SGCG: variants seen among roughly 807,000 people sequenced by gnomAD.
SGCG encodes gamma-sarcoglycan.
A neutral mutation model predicts 29.3 loss-of-function variants in SGCG; 26 were observed. That is an observed-to-expected ratio of 0.89 (90% CI 0.65 to 1.23). The LOEUF (loss-of-function observed/expected upper bound fraction) is 1.23, where lower values mean the gene tolerates loss of function less well. SGCG is among the 50% of genes most tolerant of loss of function. SGCG has a pLI of 0.00. For missense variants in SGCG, 353 were observed against 356.0 expected (o/e 0.99, Z 0.07); for synonymous variants, 145 against 129.7 (o/e 1.12, Z -0.80).
chr13:23,323,942 G>A (rs1883138974), intron 7 of SGCG, among the ~76,000 whole-genome samples: 1 of 152,188 alleles, frequency 6.6e-6, no homozygotes, highest in African/African-American at 2.4e-5. Flanking sequence ...AAGTCAAAGT[G>A]AGTCACAAGA....
chr13:23,305,302 G>T (rs1882321975), intron 6 of SGCG, among the ~76,000 whole-genome samples: 1 of 151,988 alleles, frequency 6.6e-6, no homozygotes, highest in South Asian at 2.1e-4. Context: ...ATTAAAAGGA[G>T]GTTTATTACA....
intron 1 of SGCG, among the ~76,000 whole-genome samples, chr13:23,199,074 C>T (rs1219196650): frequency 6.7e-6 from 1 of 149,332 alleles, no homozygotes; most frequent in Non-Finnish European, 1.5e-5. Flanking sequence ...TGCCACTGCA[C>T]TTCAGCCTGG....
At chr13:23,275,201 G>C (rs571802407) in intron 4 of SGCG, among the ~76,000 whole-genome samples, 4 of 149,872 alleles carry the variant, frequency 2.7e-5, no homozygotes, top group African/African-American at 9.7e-5. Context: ...AGGGTTTCCA[G>C]ATGGCAGAAG....
At chr13:23,277,794 GTTCATGCCA>G (rs1881144100) in intron 4 of SGCG, among the ~76,000 whole-genome samples, 1 of 151,008 alleles carries the variant, frequency 6.6e-6, no homozygotes, top group Non-Finnish European at 1.5e-5. Context: ...CGCCTCCCAG[GTTCATGCCA>G]TTCTCCCGCC....
At chr13:23,220,269 A>C (rs1878606050) in intron 2 of SGCG, among the ~76,000 whole-genome samples, 1 of 152,088 alleles carries the variant, frequency 6.6e-6, no homozygotes, top group South Asian at 2.1e-4. Flanking sequence ...CCTGATCAAC[A>C]TGGAGAAACC....
At position 23,189,872 on chromosome 13, in the gene SGCG, A is replaced by C. The variant is rs541264569; in HGVS notation, c.-1+8797A>C. 7.8e-4 allele frequency among the ~76,000 whole-genome samples: 118 copies of C among 152,000 alleles called. 2 individuals carry two copies. The highest frequency in any genetic ancestry group is 2.7e-3 in the African/African-American group (113 of 41,442). On this transcript the variant is annotated intron_variant, in intron 1 of 7. Coordinates refer to ENST00000218867, the MANE Select transcript of SGCG (RefSeq NM_000231.3). ...CTGAACTCCCCTACCCTACTCCTTC[A>C]CCCCCCTGCCCGCTCCTTCAGGCTC...
At chr13:23,225,888 T>C (rs1878876818) in intron 2 of SGCG, among the ~76,000 whole-genome samples, 1 of 152,184 alleles carries the variant, frequency 6.6e-6, no homozygotes, top group African/African-American at 2.4e-5. Context: ...TTTCAATTTC[T>C]GTTCAATATC....
Position 23,322,753 on chromosome 13 carries a change from GC to G in SGCG, c.703-1609del, listed in dbSNP as rs71100171. ...TCGCACCTGCGGCGATGCACAGACC[GC>G]CCCCCACCCATCCACCTCCCCCCCC... On this transcript the variant is annotated intron_variant, in intron 7 of 7. Transcript: ENST00000218867. 7.0e-3 allele frequency among the ~76,000 whole-genome samples: 70 copies of G among 9,954 alleles called. 1 individual carries two copies. The highest frequency in any genetic ancestry group is 0.026 in the East Asian group (3 of 116). The allele number at this position is 9,954 out of a possible 152,430, so 6.5% of individuals were successfully genotyped here. A position where few individuals can be genotyped will look rare whatever the true frequency, so the allele number is the denominator to read the frequency against.
chr13:23,322,758 CCACCCATCCACCT>C (rs1566048980), intron 7 of SGCG, among the ~76,000 whole-genome samples: 3 of 60,394 alleles, frequency 5.0e-5, no homozygotes, highest in Admixed American at 1.4e-4. Context: ...AGACCGCCCC[CCACCCATCCACCT>C]CCCCCCCCCC....
intron 4 of SGCG, chr13:23,267,921 C>T (rs769878492): frequency 2.0e-5 from 3 of 152,096 alleles, no homozygotes; most frequent in East Asian, 1.9e-4. Flanking sequence ...AAGCTTCAAA[C>T]GCAAGGCTGG....
intron 7 of SGCG, among the ~76,000 whole-genome samples, chr13:23,323,508 GTTTA>G (rs1883123150): frequency 6.6e-6 from 1 of 152,228 alleles, no homozygotes; most frequent in Admixed American, 6.5e-5. Flanking sequence ...CCCACATTCA[GTTTA>G]ATTCCTTGTA....
chr13:23,220,525 T>C (rs754516065), intron 2 of SGCG, among the ~76,000 whole-genome samples: 1 of 152,220 alleles, frequency 6.6e-6, no homozygotes, highest in Non-Finnish European at 1.5e-5. Flanking sequence ...AATTAGAAGA[T>C]ATCATTCAGT....
chr13:23,313,789 T>C, intron 6 of SGCG, among the ~76,000 whole-genome samples: 1 of 152,202 alleles, frequency 6.6e-6, no homozygotes, highest in East Asian at 1.9e-4. Flanking sequence ...TTGATCCTGG[T>C]TGTGTCTGTG....
At chr13:23,212,999 G>A (rs1011329884) in intron 2 of SGCG, among the ~76,000 whole-genome samples, 8 of 152,130 alleles carry the variant, frequency 5.3e-5, no homozygotes, top group African/African-American at 1.7e-4. Context: ...TTCTTAACTG[G>A]TGAAAGGGAA....
intron 5 of SGCG, among the ~76,000 whole-genome samples, chr13:23,280,020 A>G (rs549265626): frequency 2.6e-5 from 4 of 151,810 alleles, no homozygotes; most frequent in African/African-American, 7.2e-5. Context: ...GAGCCACAAC[A>G]CCCTGCCACC....
chr13:23,218,280 G>GA (rs1382409667), intron 2 of SGCG, among the ~76,000 whole-genome samples: 1 of 152,072 alleles, frequency 6.6e-6, no homozygotes, highest in Non-Finnish European at 1.5e-5. Flanking sequence ...TGGGCTAGAA[G>GA]AAAAATCACA....
intron 6 of SGCG, among the ~76,000 whole-genome samples, chr13:23,302,235 C>G (rs914356553): frequency 7.9e-5 from 12 of 151,402 alleles, no homozygotes; most frequent in Non-Finnish European, 1.5e-4. Flanking sequence ...ATTGATCACT[C>G]TATCCTATTT....
At chr13:23,173,478 T>C in the SGCG span, among the ~76,000 whole-genome samples, 3 of 152,234 alleles carry the variant, frequency 2.0e-5, no homozygotes, top group East Asian at 5.8e-4. Context: ...AGATTTTCAA[T>C]GGCCAACATA....
At chr13:23,219,942 T>G (rs1878593014) in intron 2 of SGCG, among the ~76,000 whole-genome samples, 1 of 151,086 alleles carries the variant, frequency 6.6e-6, no homozygotes, top group Admixed American at 6.6e-5. Context: ...TTCACGCCAT[T>G]CTCCTGCCTC....
Sources: allele counts gnomAD v4.1 joint callset (sites outside exome capture counted in the v4.1 genomes callset), GRCh38; gene constraint gnomAD v4.1.1; transcripts MANE v1.5; gene names NCBI Gene and HGNC (gene_info 2026-07-23, HGNC 2026-07-21).